The following CMTM2 variants were observed in gnomAD, a reference collection of about 807,000 sequenced individuals.
The protein encoded by CMTM2 is CKLF like MARVEL transmembrane domain containing 2.
A neutral mutation model predicts 16.8 loss-of-function variants in CMTM2; 15 were observed. The observed-to-expected ratio is 0.89, with a 90% CI of 0.60 to 1.37. The LOEUF (loss-of-function observed/expected upper bound fraction) is 1.37. CMTM2 is among the 40% of genes most tolerant of loss of function. The pLI, the probability that CMTM2 is intolerant of heterozygous loss-of-function variation, is 0.00. For synonymous variants in CMTM2, 117 were observed against 118.7 expected, an observed-to-expected ratio of 0.99 and a Z score of 0.09; for missense variants, 282 against 318.0, an observed-to-expected ratio of 0.89 and a Z score of 0.86.
chr16:66,583,211 G>C (rs922963380), intron 2 of CMTM2, among the ~76,000 whole-genome samples: 2 of 151,972 alleles, frequency 1.3e-5, no homozygotes, highest in Admixed American at 6.6e-5. Flanking sequence ...GATTTTTTTG[G>C]CTGGGCACGG....
chr16:66,579,917 TG>T lies in CMTM2; in HGVS notation c.285+31del, dbSNP rs1567382603. 2 of 678,364 alleles carry T rather than the reference TG, an allele frequency of 2.9e-6. No individual in the cohort carries two copies. Among genetic ancestry groups the T allele is most frequent in the South Asian group, 1.5e-5 (1 of 65,952 alleles). 42.0% of individuals were successfully genotyped at this position (678,364 alleles called of 1,614,324 possible). On this transcript the variant is annotated intron_variant, in intron 1 of 3. Transcript: ENST00000268595. This position sits in a 1 kb window ranked among gnomAD's most constrained non-coding sequence, Gnocchi z 6.5. ...GGTGAGCTAAACTGGTATCCCTGGG[TG>T]GGGGGCCTTGGCCGAGGGTGGGGGG...
Position 66,579,599 on chromosome 16 carries a change from G to A in CMTM2, c.-9G>A, listed in dbSNP as rs370146694. 1.8e-5 allele frequency: 29 copies of A among 1,613,628 alleles called. No individual in the cohort carries two copies. Among genetic ancestry groups the A allele is most frequent in the Middle Eastern group, 1.6e-4 (1 of 6,082 alleles). On this transcript the variant is annotated 5_prime_UTR_variant, in exon 1 of 4. Coordinates refer to ENST00000268595, the MANE Select transcript of CMTM2 (RefSeq NM_144673.3). The surrounding 1 kb of genome is among the most constrained non-coding windows in gnomAD (Gnocchi z 6.5). ...CCAGCTGTGAGAAGCCAAGGACACC[G>A]AGTCAGTCATGGCACCTAAGGCGGC...
At chr16:66,585,529 T>C (rs2014782918) in intron 2 of CMTM2, among the ~76,000 whole-genome samples, 1 of 152,252 alleles carries the variant, frequency 6.6e-6, no homozygotes, top group Non-Finnish European at 1.5e-5. Context: ...CAAAATAGTA[T>C]ACATTGTTTA....
In CMTM2 at chr16:66,588,185, C is replaced by T; in HGVS notation, c.*66C>T. The T allele has an allele frequency of 7.1e-7, 1 of 1,414,582 alleles. No homozygotes were observed. The highest frequency in any genetic ancestry group is 1.4e-5 in the African/African-American group (1 of 70,036). 87.6% of individuals were successfully genotyped at this position (1,414,582 alleles called of 1,614,324 possible). A position where few individuals can be genotyped will look rare whatever the true frequency, so the allele number is the denominator to read the frequency against. ...TACAGCAATATGTTTCCACTCTCTT[C>T]CTTGTCTTCTTTCTGGAATGGTTTT... On this transcript the variant is annotated 3_prime_UTR_variant, in exon 4 of 4. Coordinates refer to ENST00000268595, the MANE Select transcript of CMTM2 (RefSeq NM_144673.3).
Position 66,579,486 on chromosome 16 carries a change from T to C in CMTM2, c.-122T>C. The C allele has an allele frequency of 1.6e-6, 2 of 1,243,474 alleles. No homozygotes were observed. The highest frequency in any genetic ancestry group is 2.2e-6 in the Non-Finnish European group (2 of 898,612). 77.0% of individuals were successfully genotyped at this position (1,243,474 alleles called of 1,614,324 possible). The stretch of plus-strand genomic sequence containing the variant: ...GCATTCGGTGGTCCTGGCAGTTAGC[T>C]GAGCACGCCCTCTGAGCCGCTCGGT... On this transcript the variant is annotated 5_prime_UTR_variant, in exon 1 of 4. Coordinates refer to ENST00000268595, the MANE Select transcript of CMTM2 (RefSeq NM_144673.3). This position sits in a 1 kb window ranked among gnomAD's most constrained non-coding sequence, Gnocchi z 6.5.
At chr16:66,585,302 C>G (rs1044549895) in intron 2 of CMTM2, among the ~76,000 whole-genome samples, 4 of 152,042 alleles carry the variant, frequency 2.6e-5, no homozygotes, top group Non-Finnish European at 4.4e-5. Context: ...CCAGCTGAGG[C>G]TGAGGTGGGG....
chr16:66,587,761 G>A lies in CMTM2; in HGVS notation c.547-158G>A, dbSNP rs148460115. 2.7e-3 allele frequency among the ~76,000 whole-genome samples: 411 copies of A among 152,320 alleles called. 2 individuals are homozygous for A. Among genetic ancestry groups the A allele is most frequent in the African/African-American group, 8.9e-3 (370 of 41,576 alleles). ...GGGGAGTGGAGAAGGCAAAGGCTGA[G>A]GGAGTAGGCACGCTCCTAGCCTCTC... On this transcript the variant is annotated intron_variant, in intron 3 of 3. Transcript: ENST00000268595.
At position 66,588,048 on chromosome 16, in the gene CMTM2, G is replaced by A. The variant is rs1347756366; in HGVS notation, c.676G>A (p.Gly226Ser). The A allele has an allele frequency of 6.2e-7, 1 of 1,613,822 alleles. No individual in the cohort carries two copies. The highest frequency in any genetic ancestry group is 8.5e-7 in the Non-Finnish European group (1 of 1,180,038). Residue 226 changes from glycine (G) to serine (S), a missense_variant, in exon 4 of 4, where the codon GGC becomes AGC. Gly to Ser is a moderately conservative substitution (Grantham distance 56, BLOSUM62 0). Transcript: ENST00000268595. ...PPGKEKGPQQ[G>S]KGPEPAKPPE... ...AGGAAAGGAAAAAGGACCCCAGCAG[G>A]GCAAGGGACCAGAACCCGCCAAGCC...
Position 66,579,778 on chromosome 16 carries a change from G to A in CMTM2, c.171G>A (p.Gln57=), listed in dbSNP as rs2014686649. The change falls in exon 1 of 4, where the codon CAG becomes CAA. Residue 57 remains glutamine, a synonymous_variant. Coordinates refer to ENST00000268595, the MANE Select transcript of CMTM2 (RefSeq NM_144673.3). This position sits in a 1 kb window ranked among gnomAD's most constrained non-coding sequence, Gnocchi z 6.5. ...EPSDKPQKAV[Q]PKHEVGTRRG... ...CGGACAAACCTCAAAAGGCGGTGCA[G>A]CCCAAGCACGAAGTGGGCACGAGGA... The A allele has an allele frequency of 1.2e-6, 2 of 1,614,020 alleles. No homozygotes were observed. Among genetic ancestry groups the A allele is most frequent in the Non-Finnish European group, 1.7e-6 (2 of 1,180,044 alleles).
intron 2 of CMTM2, among the ~76,000 whole-genome samples, chr16:66,584,603 G>A (rs900878594): frequency 3.9e-5 from 6 of 152,128 alleles, no homozygotes; most frequent in African/African-American, 1.2e-4. Flanking sequence ...ATGGCATCCT[G>A]AGTAGACTAA....
In CMTM2 at chr16:66,580,399, A is replaced by G. The variant is rs922969662; in HGVS notation, c.444+215A>G. 5 of 573,508 alleles carry G rather than the reference A, an allele frequency of 8.7e-6. No homozygotes were observed. The Admixed American group carries it at 1.6e-4, about 18-fold the overall frequency. The allele number at this position is 573,508 out of a possible 1,614,324, so 35.5% of individuals were successfully genotyped here. ...TCCAAAAAGCCTATCTGTGTGTTGG[A>G]GTGAGAGTGGGGAACTCTTACTTAC... On this transcript the variant is annotated intron_variant, in intron 2 of 3. Coordinates refer to ENST00000268595, the MANE Select transcript of CMTM2 (RefSeq NM_144673.3).
At chr16:66,581,961 T>C (rs1854310087) in intron 2 of CMTM2, among the ~76,000 whole-genome samples, 1 of 151,684 alleles carries the variant, frequency 6.6e-6, no homozygotes, top group Non-Finnish European at 1.5e-5. Flanking sequence ...AATCAAGGCA[T>C]GAAGAGATTC....
rs2014818042 is a variant in CMTM2 at position 66,588,188 on chromosome 16, T to C, written c.*69T>C. ...AGCAATATGTTTCCACTCTCTTCCTTGTCTTCTTTCTGGAATGGTTTTCTT... is the reference window on the plus strand; with the variant it reads ...AGCAATATGTTTCCACTCTCTTCCTCGTCTTCTTTCTGGAATGGTTTTCTT... On this transcript the variant is annotated 3_prime_UTR_variant, in exon 4 of 4. Transcript: ENST00000268595. The C allele has an allele frequency of 5.0e-6, 7 of 1,406,196 alleles. No individual in the cohort carries two copies. The East Asian group carries it at 1.2e-4, about 23-fold the overall frequency. 87.1% of individuals were successfully genotyped at this position (1,406,196 alleles called of 1,614,324 possible).
chr16:66,583,537 C>A (rs2014758639), intron 2 of CMTM2, among the ~76,000 whole-genome samples: 1 of 150,702 alleles, frequency 6.6e-6, no homozygotes, highest in African/African-American at 2.4e-5. Context: ...AACAGCAACA[C>A]AAACTACAAG....
At chr16:66,586,018 AG>A (rs1159456156) in intron 2 of CMTM2, among the ~76,000 whole-genome samples, 1 of 152,174 alleles carries the variant, frequency 6.6e-6, no homozygotes, top group African/African-American at 2.4e-5. Flanking sequence ...GCCAGCTCTG[AG>A]AAGTTTGGCA....
Position 66,587,066 on chromosome 16 carries a change from C to T in CMTM2, c.514C>T (p.Arg172Ter), listed in dbSNP as rs762401460. The T allele has an allele frequency of 2.7e-5, 44 of 1,613,888 alleles. No individual in the cohort carries two copies. In the Middle Eastern group the frequency reaches 2.5e-3, roughly 90 times the overall value. ...GAVVFAVRSR[R>*]SMNLHYLLAV... ...CGTGGTCTTTGCTGTGAGAAGTCGG[C>T]GATCCATGAATCTCCACTACTTACT... The change falls in exon 3 of 4, where the codon CGA becomes TGA. Residue 172 changes from arginine to a stop codon, truncating the protein, a stop_gained. Transcript: ENST00000268595. LOFTEE classifies it low-confidence loss of function (END_TRUNC).
rs2014814523 is a variant in CMTM2, at chr16:66,587,960, G to A, written c.588G>A (p.Val196=). Residue 196 remains valine, a synonymous_variant, in exon 4 of 4, where the codon GTG becomes GTA. Coordinates refer to ENST00000268595, the MANE Select transcript of CMTM2 (RefSeq NM_144673.3). ...GAAGVFAFID[V]CLQRNHFRGK... is the part of the protein sequence containing the mutation. ...CTGGAGTTTTTGCTTTTATCGATGT[G>A]TGTCTTCAAAGAAACCACTTCAGAG... 4.3e-6 allele frequency: 7 copies of A among 1,614,192 alleles called. No individual in the cohort carries two copies. The highest frequency in any genetic ancestry group is 5.9e-6 in the Non-Finnish European group (7 of 1,180,036).
intron 2 of CMTM2, among the ~76,000 whole-genome samples, chr16:66,583,196 CAT>C (rs2014754342): frequency 6.6e-6 from 1 of 152,070 alleles, no homozygotes. Context: ...CAATGAGAAA[CAT>C]AGGATTTTTT....
intron 2 of CMTM2, among the ~76,000 whole-genome samples, chr16:66,584,450 G>A (rs2014769655): frequency 6.6e-6 from 1 of 152,202 alleles, no homozygotes; most frequent in African/African-American, 2.4e-5. Flanking sequence ...AAAACGTAGT[G>A]AGAAGACAGC....
Sources: gnomAD v4.1 joint callset for allele counts (sites outside exome capture counted in the v4.1 genomes callset) on GRCh38, gnomAD v4.1.1 for gene constraint, Gnocchi (gnomAD v3.1) non-coding constraint, MANE v1.5 for transcripts, NCBI Gene and HGNC (gene_info 2026-07-23, HGNC 2026-07-21) for gene names.